The following SAMD12 variants were observed in gnomAD, a reference collection of about 807,000 sequenced individuals.
SAMD12 encodes the protein sterile alpha motif domain-containing protein 12.
Under a neutral mutation model 15.0 loss-of-function variants are expected in SAMD12, and 9 were observed. That is an observed-to-expected ratio of 0.60 (90% CI 0.36 to 1.05). The LOEUF is 1.05. Among genes scored for constraint, SAMD12 ranks in the 50% least tolerant of loss-of-function variants. The pLI is 0.01. For synonymous variants in SAMD12, 86 were observed against 90.1 expected, an observed-to-expected ratio of 0.96 and a Z score of 0.25; for missense variants, 230 against 234.2, an observed-to-expected ratio of 0.98 and a Z score of 0.12.
At chr8:118,419,749 T>A (rs185200350) in intron 3 of SAMD12, among the ~76,000 whole-genome samples, 21 of 152,274 alleles carry the variant, frequency 1.4e-4, no homozygotes, top group Admixed American at 2.6e-4. Flanking sequence ...AAGGTTAAGA[T>A]CCTTATGGAA....
downstream of SAMD12, among the ~76,000 whole-genome samples, chr8:118,377,118 G>A (rs1230229886): frequency 4.0e-5 from 6 of 151,896 alleles, no homozygotes; most frequent in African/African-American, 1.5e-4. Context: ...GCATTAACAT[G>A]TGAAGAACCG....
At chr8:118,256,821 C>CACACAA (rs1554618191) in intron 4 of SAMD12, among the ~76,000 whole-genome samples, 4 of 148,340 alleles carry the variant, frequency 2.7e-5, no homozygotes, top group African/African-American at 1.0e-4. Flanking sequence ...CACACACACA[C>CACACAA]GCACACATTC....
At chr8:118,236,576 A>G (rs961376060) in intron 4 of SAMD12, among the ~76,000 whole-genome samples, 2 of 152,220 alleles carry the variant, frequency 1.3e-5, no homozygotes, top group Non-Finnish European at 2.9e-5. Flanking sequence ...CAGAATTAGG[A>G]AAAAAACCTC....
intron 3 of SAMD12, among the ~76,000 whole-genome samples, chr8:118,381,091 A>C (rs558428990): frequency 1.3e-5 from 2 of 152,212 alleles, no homozygotes; most frequent in Non-Finnish European, 2.9e-5. Context: ...TCCACCCACA[A>C]AAAGGCCACC....
At chr8:118,543,783 A>G (rs1826051308) in intron 2 of SAMD12, among the ~76,000 whole-genome samples, 1 of 152,032 alleles carries the variant, frequency 6.6e-6, no homozygotes, top group Admixed American at 6.5e-5. Context: ...TTCAGAATAT[A>G]TATTTGCATT....
At chr8:118,435,146 A>C (rs1411028664) in intron 3 of SAMD12, among the ~76,000 whole-genome samples, 1 of 151,970 alleles carries the variant, frequency 6.6e-6, no homozygotes, top group Non-Finnish European at 1.5e-5. Flanking sequence ...AGTTAATGCT[A>C]TTAGCACAGC....
the SAMD12 span, among the ~76,000 whole-genome samples, chr8:118,181,013 G>A: frequency 6.6e-6 from 1 of 152,144 alleles, no homozygotes; most frequent in Admixed American, 6.5e-5. Context: ...TAATGGTTCA[G>A]TGTGCTAAGC....
intron 4 of SAMD12, among the ~76,000 whole-genome samples, chr8:118,338,267 C>T (rs1176844940): frequency 6.6e-6 from 1 of 152,218 alleles, no homozygotes; most frequent in Non-Finnish European, 1.5e-5. Flanking sequence ...GACATAAATT[C>T]TTCCCTTTTT....
chr8:118,344,195 TA>T (rs1289886793), intron 4 of SAMD12, among the ~76,000 whole-genome samples: 2 of 152,220 alleles, frequency 1.3e-5, no homozygotes, highest in Non-Finnish European at 2.9e-5. Flanking sequence ...CATTCTGTTT[TA>T]ACTCCCCCTA....
intron 2 of SAMD12, among the ~76,000 whole-genome samples, chr8:118,557,133 T>C (rs1826557267): frequency 6.6e-6 from 1 of 152,108 alleles, no homozygotes; most frequent in South Asian, 2.1e-4. Flanking sequence ...TCCCTACATG[T>C]CAAGGGAAGG....
intron 4 of SAMD12, among the ~76,000 whole-genome samples, chr8:118,222,014 T>C (rs1812092099): frequency 6.6e-6 from 1 of 152,136 alleles, no homozygotes; most frequent in Non-Finnish European, 1.5e-5. Flanking sequence ...GCCACATAAG[T>C]GGTAATGAAG....
In SAMD12 at chr8:118,554,683, A is replaced by G. The variant is rs187396203; in HGVS notation, c.192+26032T>C. Among the ~76,000 whole-genome samples, 9 of 152,080 alleles carry G rather than the reference A, an allele frequency of 5.9e-5. No homozygotes were observed. In the East Asian group the frequency reaches 1.7e-3, roughly 29 times the overall value. On this transcript the variant is annotated intron_variant, in intron 2 of 3. Transcript: ENST00000314727. ...CTAAAACTTAAAGTATAATAATAAT[A>G]AAAAAGAACTAAAAAAAAAAAATCT...
chr8:118,370,882 T>C (rs775092694), intron 4 of SAMD12, among the ~76,000 whole-genome samples: 2 of 152,138 alleles, frequency 1.3e-5, no homozygotes, highest in South Asian at 4.1e-4. Flanking sequence ...CAAACCACCA[T>C]GGTACACGTT....
At chr8:118,552,717 A>G (rs1399192075) in intron 2 of SAMD12, among the ~76,000 whole-genome samples, 3 of 152,308 alleles carry the variant, frequency 2.0e-5, no homozygotes, top group African/African-American at 7.2e-5. Flanking sequence ...AGGGTATTCA[A>G]TTAGGAAAAG....
At chr8:118,213,670 C>T (rs11985780) in intron 4 of SAMD12, among the ~76,000 whole-genome samples, 74,532 of 152,046 alleles carry the variant, frequency 0.49, 20,283 homozygotes, top group Non-Finnish European at 0.62. Flanking sequence ...ATTCACTACC[C>T]TGTTAATTTT....
intron 2 of SAMD12, among the ~76,000 whole-genome samples, chr8:118,570,582 A>G (rs895722400): frequency 1.3e-5 from 2 of 152,180 alleles, no homozygotes; most frequent in African/African-American, 4.8e-5. Context: ...GGGGATATAT[A>G]CCACATTTTC....
chr8:118,423,902 G>A (rs1822131568), intron 3 of SAMD12, among the ~76,000 whole-genome samples: 1 of 152,110 alleles, frequency 6.6e-6, no homozygotes, highest in African/African-American at 2.4e-5. Flanking sequence ...CAATAAATAT[G>A]TTTTAAGATA....
exon 5 of SAMD12, chr8:118,196,798 T>C (rs1819575827): frequency 1.3e-5 from 2 of 151,920 alleles, no homozygotes; most frequent in Admixed American, 1.3e-4. Context: ...TCCCCTTTTT[T>C]CCCTTGGAGG....
At chr8:118,377,408 A>G (rs532053708), downstream of SAMD12, among the ~76,000 whole-genome samples, 2 of 152,132 alleles carry the variant, frequency 1.3e-5, no homozygotes, top group Non-Finnish European at 2.9e-5. Context: ...GAAAAAACCA[A>G]AACCAAAACC....
Sources: gnomAD v4.1 joint callset for allele counts (sites outside exome capture counted in the v4.1 genomes callset) on GRCh38, gnomAD v4.1.1 for gene constraint, MANE v1.5 for transcripts, NCBI Gene and HGNC (gene_info 2026-07-23, HGNC 2026-07-21) for gene names.